Variants in LRRC53 observed in about 807,000 individuals in gnomAD.
LRRC53 encodes leucine-rich repeat-containing protein 53.
LRRC53 carries 25 observed loss-of-function variants against 13.6 expected under a neutral mutation model. The observed-to-expected ratio is 1.83, with a 90% CI of 1.34 to 2.56. The LOEUF (loss-of-function observed/expected upper bound fraction) is 2.56. Among genes scored for constraint, LRRC53 ranks in the 30% most tolerant of loss-of-function variants. LRRC53 has a pLI of 0.00. For missense variants in LRRC53, 527 were observed against 275.8 expected, an observed-to-expected ratio of 1.91 and a Z score of -6.45; for synonymous variants, 204 against 109.8, an observed-to-expected ratio of 1.86 and a Z score of -5.37.
chr1:74,489,752 A>T (rs1668956746), intron 1 of LRRC53, among the ~76,000 whole-genome samples: 1 of 152,180 alleles, frequency 6.6e-6, no homozygotes, highest in Non-Finnish European at 1.5e-5. Flanking sequence ...TTCTTGCCTT[A>T]TTAAAGCTGT....
At chr1:74,514,573 G>A (rs551437835), upstream of LRRC53, among the ~76,000 whole-genome samples, 1 of 152,164 alleles carries the variant, frequency 6.6e-6, no homozygotes, top group South Asian at 2.1e-4. Context: ...TATTTGCTAG[G>A]TAGATATTAT....
chr1:74,488,765 A>T lies in LRRC53; in HGVS notation c.-26-5390T>A, dbSNP rs147542104. Among the ~76,000 whole-genome samples, 86 of 152,292 alleles carry T rather than the reference A, an allele frequency of 5.6e-4. 1 individual carries two copies. Among genetic ancestry groups the T allele is most frequent in the African/African-American group, 2.0e-3 (83 of 41,566 alleles). Reference sequence around the variant, plus strand: ...TCATCTTAGTTTTGAATCTGAGATGATCTTTTCAAAAGTGAAGTTCATTAT... The same window carrying T: ...TCATCTTAGTTTTGAATCTGAGATGTTCTTTTCAAAAGTGAAGTTCATTAT... On this transcript the variant is annotated intron_variant, in intron 1 of 4. Coordinates refer to ENST00000294635, the MANE Select transcript of LRRC53 (RefSeq NM_001382280.1).
intron 1 of LRRC53, among the ~76,000 whole-genome samples, chr1:74,502,948 A>G (rs1166417893): frequency 6.6e-6 from 1 of 152,200 alleles, no homozygotes; most frequent in African/African-American, 2.4e-5. Context: ...AAAAGGATGA[A>G]CTTCTTCCTT....
the LRRC53 span, among the ~76,000 whole-genome samples, chr1:74,520,622 A>C: frequency 6.6e-6 from 1 of 152,098 alleles, no homozygotes; most frequent in Non-Finnish European, 1.5e-5. Flanking sequence ...TTCAAAAAAA[A>C]AATGGGAAAA....
Position 74,508,066 on chromosome 1 carries a change from T to C in LRRC53, c.-27+4460A>G, listed in dbSNP as rs113450827. 8.9e-3 allele frequency among the ~76,000 whole-genome samples: 1,353 copies of C among 152,336 alleles called. 20 individuals carry two copies. Among genetic ancestry groups the C allele is most frequent in the African/African-American group, 0.03 (1,258 of 41,584 alleles). ...GTATACAATGACGGGCACACGACTC[T>C]AGTGTATTCTAACACAGACGGAGGC... On this transcript the variant is annotated intron_variant, in intron 1 of 4. Coordinates refer to ENST00000294635, the MANE Select transcript of LRRC53 (RefSeq NM_001382280.1).
chr1:74,495,300 G>A (rs1669272878), intron 1 of LRRC53, among the ~76,000 whole-genome samples: 1 of 152,102 alleles, frequency 6.6e-6, no homozygotes, highest in South Asian at 2.1e-4. Flanking sequence ...TCAACTCTAG[G>A]AATCGGTAAA....
intron 1 of LRRC53, among the ~76,000 whole-genome samples, chr1:74,486,381 AT>A (rs539080126): frequency 6.9e-4 from 105 of 152,260 alleles, no homozygotes; most frequent in African/African-American, 2.4e-3. Context: ...GGTTGATCTA[AT>A]ATAAGCTACT....
intron 1 of LRRC53, among the ~76,000 whole-genome samples, chr1:74,508,766 A>G (rs147436304): frequency 9.2e-4 from 140 of 152,318 alleles, no homozygotes; most frequent in African/African-American, 3.2e-3. Flanking sequence ...TTAGTGTGCT[A>G]TACTGGGAAA....
chr1:74,520,105 G>T, the LRRC53 span, among the ~76,000 whole-genome samples: 20 of 152,228 alleles, frequency 1.3e-4, no homozygotes, highest in East Asian at 3.5e-3. Context: ...CCCATCACCT[G>T]AGCAGTATAT....
At chr1:74,479,097 C>A (rs1668349543) in intron 3 of LRRC53, among the ~76,000 whole-genome samples, 1 of 152,076 alleles carries the variant, frequency 6.6e-6, no homozygotes, top group Non-Finnish European at 1.5e-5. Flanking sequence ...TGATTTATAG[C>A]ACATATTTAA....
At chr1:74,521,516 GTA>G in the LRRC53 span, among the ~76,000 whole-genome samples, 6 of 150,390 alleles carry the variant, frequency 4.0e-5, no homozygotes, top group African/African-American at 7.3e-5. Context: ...GTGTGTATGT[GTA>G]TATATATATA....
At chr1:74,479,791 G>A (rs919468993) in intron 3 of LRRC53, among the ~76,000 whole-genome samples, 1 of 152,188 alleles carries the variant, frequency 6.6e-6, no homozygotes, top group African/African-American at 2.4e-5. Context: ...CATAACAAAT[G>A]CACTAGTACT....
At chr1:74,485,714 A>G (rs1364811695) in intron 1 of LRRC53, among the ~76,000 whole-genome samples, 1 of 152,212 alleles carries the variant, frequency 6.6e-6, no homozygotes, top group African/African-American at 2.4e-5. Context: ...CACAGAGTGG[A>G]AGTCAGGCAT....
upstream of LRRC53, among the ~76,000 whole-genome samples, chr1:74,516,774 T>C (rs559022845): frequency 3.3e-5 from 5 of 152,318 alleles, no homozygotes; most frequent in East Asian, 5.8e-4. Context: ...TGCCCTCATA[T>C]AGCCACATTT....
the LRRC53 span, among the ~76,000 whole-genome samples, chr1:74,532,229 C>A: frequency 3.9e-4 from 60 of 152,228 alleles, no homozygotes; most frequent in African/African-American, 1.4e-3. Flanking sequence ...AAGGTAACAG[C>A]AAGCAATTGT....
At chr1:74,482,719 T>C (rs1668565492) in intron 2 of LRRC53, among the ~76,000 whole-genome samples, 1 of 152,234 alleles carries the variant, frequency 6.6e-6, no homozygotes, top group Non-Finnish European at 1.5e-5. Flanking sequence ...TAAGGTGTCT[T>C]ATTAAATTGT....
At chr1:74,522,876 C>T in the LRRC53 span, among the ~76,000 whole-genome samples, 1 of 152,144 alleles carries the variant, frequency 6.6e-6, no homozygotes, top group Non-Finnish European at 1.5e-5. Context: ...ACATAAAATC[C>T]AGCACTGCGT....
intron 4 of LRRC53, among the ~76,000 whole-genome samples, chr1:74,474,806 C>G (rs1668110033): frequency 6.6e-6 from 1 of 151,990 alleles, no homozygotes; most frequent in Non-Finnish European, 1.5e-5. Context: ...TCCCTGACAG[C>G]TCAGCAAGCA....
chr1:74,517,706 A>C, the LRRC53 span, among the ~76,000 whole-genome samples: 1 of 152,210 alleles, frequency 6.6e-6, no homozygotes, highest in Admixed American at 6.5e-5. Flanking sequence ...AAAGAGTACG[A>C]CTGGTAAACC....
Sources: gnomAD v4.1 joint callset for allele counts (sites outside exome capture counted in the v4.1 genomes callset) on GRCh38, gnomAD v4.1.1 for gene constraint, MANE v1.5 for transcripts, NCBI Gene and HGNC (gene_info 2026-07-23, HGNC 2026-07-21) for gene names.